Variants in CSMD1 observed in about 807,000 individuals in gnomAD.
The protein encoded by CSMD1 is CUB and Sushi multiple domains 1.
Under a neutral mutation model 417.5 loss-of-function variants are expected in CSMD1, and 213 were observed. That is an observed-to-expected ratio of 0.51 (90% CI 0.46 to 0.57). The LOEUF (loss-of-function observed/expected upper bound fraction) is 0.57. Ranked by LOEUF, CSMD1 falls within the 20% of genes least tolerant of loss-of-function variation. CSMD1 has a pLI of 0.00. For synonymous variants in CSMD1, 2,862 were observed against 1,736.8 expected, an observed-to-expected ratio of 1.65 and a Z score of -16.11; for missense variants, 6,923 against 4,529.7, an observed-to-expected ratio of 1.53 and a Z score of -15.17.
At chr8:4,963,441 C>A (rs1037067194) in intron 1 of CSMD1, among the ~76,000 whole-genome samples, 2 of 152,300 alleles carry the variant, frequency 1.3e-5, no homozygotes, top group South Asian at 2.1e-4. Context: ...CTCAAGCAAT[C>A]CACCCACCTC....
At chr8:3,461,474 G>C (rs1816498872) in intron 12 of CSMD1, among the ~76,000 whole-genome samples, 2 of 152,308 alleles carry the variant, frequency 1.3e-5, no homozygotes, top group South Asian at 4.1e-4. Flanking sequence ...GGAAGCAGGA[G>C]TAGCTGTCTC....
In CSMD1 at chr8:3,501,906, A is replaced by G. The variant is rs1028900576; in HGVS notation, c.1345-8180T>C. 3.9e-5 allele frequency among the ~76,000 whole-genome samples: 6 copies of G among 152,336 alleles called. No individual in the cohort carries two copies. The East Asian group carries it at 7.7e-4, about 20-fold the overall frequency. ...GACAAACTGACCAAATATATCTACC[A>G]TAGATACTGGATAAATATACGTTTA... On this transcript the variant is annotated intron_variant, in intron 10 of 69. Transcript: ENST00000635120.
intron 25 of CSMD1, among the ~76,000 whole-genome samples, chr8:3,294,518 A>G (rs1032134514): frequency 5.3e-5 from 8 of 151,890 alleles, no homozygotes; most frequent in Non-Finnish European, 4.4e-5. Flanking sequence ...AGCCTTGGCA[A>G]TGGCGGGCGC....
At chr8:3,388,891 A>G (rs944544476) in intron 17 of CSMD1, among the ~76,000 whole-genome samples, 1 of 114,932 alleles carries the variant, frequency 8.7e-6, no homozygotes, top group Non-Finnish European at 1.8e-5. Context: ...CACCACACAC[A>G]TGCATACACA....
chr8:3,470,903 C>A (rs756034128), intron 11 of CSMD1, among the ~76,000 whole-genome samples: 1 of 152,170 alleles, frequency 6.6e-6, no homozygotes, highest in Non-Finnish European at 1.5e-5. Flanking sequence ...TATACCACAG[C>A]TTGCTTAATT....
At chr8:2,997,357 T>G (rs182629796) in intron 54 of CSMD1, among the ~76,000 whole-genome samples, 456 of 152,330 alleles carry the variant, frequency 3.0e-3, no homozygotes, top group Non-Finnish European at 5.1e-3. Flanking sequence ...ATAGCTCCCG[T>G]GGGAGCCCTA....
At chr8:4,838,773 C>G (rs900451921) in intron 1 of CSMD1, among the ~76,000 whole-genome samples, 2 of 152,184 alleles carry the variant, frequency 1.3e-5, no homozygotes, top group Non-Finnish European at 2.9e-5. Flanking sequence ...AGACCTCCCA[C>G]CCAGAGTTTG....
chr8:4,339,841 A>C (rs1172808097), intron 3 of CSMD1, among the ~76,000 whole-genome samples: 2 of 152,122 alleles, frequency 1.3e-5, no homozygotes, highest in African/African-American at 4.8e-5. Context: ...CTGGGCAACA[A>C]AGTAAGACCT....
At chr8:4,991,834 G>C (rs1000256667) in intron 1 of CSMD1, among the ~76,000 whole-genome samples, 15 of 152,186 alleles carry the variant, frequency 9.9e-5, no homozygotes, top group African/African-American at 3.4e-4. Context: ...TTCCCAGGCC[G>C]GTACAGGAGC....
At chr8:4,299,823 T>TTTTC (rs1201639407) in intron 3 of CSMD1, among the ~76,000 whole-genome samples, 1 of 147,242 alleles carries the variant, frequency 6.8e-6, no homozygotes, top group South Asian at 2.1e-4. Flanking sequence ...TACAGATGGG[T>TTTTC]TTTCACCTTC....
intron 2 of CSMD1, among the ~76,000 whole-genome samples, chr8:4,617,730 A>T (rs1453939609): frequency 6.6e-6 from 1 of 151,982 alleles, no homozygotes; most frequent in African/African-American, 2.4e-5. Context: ...ACCTACCCCA[A>T]CACCTTGTTT....
At chr8:4,392,395 C>T (rs181937093) in intron 3 of CSMD1, among the ~76,000 whole-genome samples, 1 of 152,106 alleles carries the variant, frequency 6.6e-6, no homozygotes, top group East Asian at 1.9e-4. Flanking sequence ...ATCAGAGACA[C>T]AAAATTATTC....
intron 6 of CSMD1, among the ~76,000 whole-genome samples, chr8:3,737,228 GC>G (rs1796566964): frequency 7.5e-6 from 1 of 133,130 alleles, no homozygotes; most frequent in Admixed American, 7.8e-5. Flanking sequence ...TTGATTTTTT[GC>G]TTTCTAGAGA....
rs181158156 is a variant in CSMD1 at position 4,317,485 on chromosome 8, G to A, written c.415+102468C>T. ...CGCTGCCAGTGTAAGGCATGTACAT[G>A]CACAATCACTATGCCTGCTAAGGTA... On this transcript the variant is annotated intron_variant, in intron 3 of 69. Coordinates refer to ENST00000635120, the MANE Select transcript of CSMD1 (RefSeq NM_033225.6). 3.0e-4 allele frequency among the ~76,000 whole-genome samples: 45 copies of A among 152,248 alleles called. 1 individual carries two copies. The East Asian group carries it at 7.7e-3, about 26-fold the overall frequency.
chr8:4,919,759 C>T (rs1806311717), intron 1 of CSMD1, among the ~76,000 whole-genome samples: 1 of 152,166 alleles, frequency 6.6e-6, no homozygotes, highest in Non-Finnish European at 1.5e-5. Context: ...AGTGATTAGC[C>T]TGTGATGGCT....
chr8:3,914,181 C>G (rs1481399503), intron 5 of CSMD1, among the ~76,000 whole-genome samples: 1 of 151,982 alleles, frequency 6.6e-6, no homozygotes, highest in Non-Finnish European at 1.5e-5. Context: ...AGAAAAAGTA[C>G]TTTTAACCCC....
intron 3 of CSMD1, among the ~76,000 whole-genome samples, chr8:4,321,911 T>G (rs976458439): frequency 6.6e-6 from 1 of 152,116 alleles, no homozygotes; most frequent in Non-Finnish European, 1.5e-5. Context: ...ACTTTTGCCT[T>G]TTATTACAGT....
chr8:3,335,547 G>A (rs141355199), intron 23 of CSMD1, among the ~76,000 whole-genome samples: 1,977 of 152,164 alleles, frequency 0.013, 43 homozygotes, highest in African/African-American at 0.045. Flanking sequence ...TGTGGTGTTG[G>A]GTACCTGTAA....
intron 7 of CSMD1, among the ~76,000 whole-genome samples, chr8:3,649,866 C>T (rs564832253): frequency 6.6e-6 from 1 of 152,254 alleles, no homozygotes. Context: ...AATGTTTAAC[C>T]TATGTACACA....
Sources: gnomAD v4.1 joint callset for allele counts (sites outside exome capture counted in the v4.1 genomes callset) on GRCh38, gnomAD v4.1.1 for gene constraint, MANE v1.5 for transcripts, NCBI Gene and HGNC (gene_info 2026-07-23, HGNC 2026-07-21) for gene names.